Variants in RBFOX1 observed in about 807,000 individuals in gnomAD.
The protein encoded by RBFOX1 is RNA binding fox-1 homolog 1, also known as RNA binding protein fox-1 homolog 1.
Under a neutral mutation model 57.7 loss-of-function variants are expected in RBFOX1, and 8 were observed. That is an observed-to-expected ratio of 0.14 (90% CI 0.08 to 0.25). The LOEUF (loss-of-function observed/expected upper bound fraction) is 0.25. RBFOX1 is among the 10% of genes least tolerant of loss of function. RBFOX1 has a pLI of 1.00. For synonymous variants in RBFOX1, 326 were observed against 222.4 expected, an observed-to-expected ratio of 1.47 and a Z score of -4.15; for missense variants, 611 against 548.5, an observed-to-expected ratio of 1.11 and a Z score of -1.14.
intron 1 of RBFOX1, among the ~76,000 whole-genome samples, chr16:6,107,308 A>G (rs1486179341): frequency 1.3e-5 from 2 of 152,034 alleles, no homozygotes; most frequent in African/African-American, 4.8e-5. Context: ...TACCCATGAA[A>G]TGACCCTCCA....
At chr16:6,747,862 C>G (rs1328908015) in intron 3 of RBFOX1, among the ~76,000 whole-genome samples, 1 of 152,158 alleles carries the variant, frequency 6.6e-6, no homozygotes, top group Non-Finnish European at 1.5e-5. Context: ...ATAAAACTTT[C>G]ATAGGCAATC....
At chr16:5,460,099 C>T (rs987158444) in intron 1 of RBFOX1, among the ~76,000 whole-genome samples, 2 of 151,836 alleles carry the variant, frequency 1.3e-5, no homozygotes, top group Non-Finnish European at 2.9e-5. Flanking sequence ...AGTGTAAAGT[C>T]GGCATGTTTT....
In RBFOX1 at chr16:5,804,626, C is replaced by T. The variant is rs143443717; in HGVS notation, c.319-62677C>T. On this transcript the variant is annotated intron_variant, in intron 3 of 19. Transcript: ENST00000641259. ...CCTCTGTGTGCTGCATGACTGCTCTCCACCCTGCTGCATCCTCCCTTCCCC... is the reference window on the plus strand; with the variant it reads ...CCTCTGTGTGCTGCATGACTGCTCTTCACCCTGCTGCATCCTCCCTTCCCC... Among the ~76,000 whole-genome samples, 146 of 152,260 alleles carry T rather than the reference C, an allele frequency of 9.6e-4. 1 individual carries two copies. The highest frequency in any genetic ancestry group is 3.3e-3 in the African/African-American group (135 of 41,538).
chr16:6,404,103 G>T (rs1208146048), intron 2 of RBFOX1, among the ~76,000 whole-genome samples: 1 of 152,072 alleles, frequency 6.6e-6, no homozygotes, highest in Non-Finnish European at 1.5e-5. Flanking sequence ...GGCATCCATG[G>T]AGTCAACCAA....
At chr16:6,766,906 T>G (rs1031316923) in intron 3 of RBFOX1, among the ~76,000 whole-genome samples, 1 of 152,082 alleles carries the variant, frequency 6.6e-6, no homozygotes. Context: ...CTGAGGACAC[T>G]TGACCTGGCA....
intron 4 of RBFOX1, among the ~76,000 whole-genome samples, chr16:7,477,155 A>G (rs2062900576): frequency 6.6e-6 from 1 of 152,120 alleles, no homozygotes; most frequent in Non-Finnish European, 1.5e-5. Flanking sequence ...GAATCACAAA[A>G]CCAACTACAA....
chr16:7,417,411 T>A (rs1228850656), intron 4 of RBFOX1, among the ~76,000 whole-genome samples: 7 of 149,474 alleles, frequency 4.7e-5, no homozygotes, highest in Non-Finnish European at 7.4e-5. Flanking sequence ...CATATCCTGT[T>A]CCCCCAGTTT....
chr16:6,886,757 AAAAACAAAAAC>A (rs1460205634), intron 3 of RBFOX1, among the ~76,000 whole-genome samples: 212 of 29,240 alleles, frequency 7.3e-3, no homozygotes, highest in Non-Finnish European at 0.012. Context: ...TCTATCTGAA[AAAAACAAAAAC>A]AAAACAAAAC....
At chr16:7,166,625 C>G (rs2079558517) in intron 4 of RBFOX1, among the ~76,000 whole-genome samples, 1 of 152,064 alleles carries the variant, frequency 6.6e-6, no homozygotes. Context: ...ACTGGCCCTC[C>G]TTCGACACCC....
chr16:6,445,620 G>T (rs1430999684), intron 2 of RBFOX1, among the ~76,000 whole-genome samples: 1 of 121,652 alleles, frequency 8.2e-6, no homozygotes, highest in African/African-American at 3.2e-5. Context: ...GCCTTACTCT[G>T]TTGCCAGGAT....
chr16:5,564,628 T>A (rs775366615), intron 2 of RBFOX1, among the ~76,000 whole-genome samples: 5 of 152,198 alleles, frequency 3.3e-5, no homozygotes, highest in African/African-American at 9.6e-5. Context: ...TTTTGGAGTC[T>A]GTCCTGTATC....
chr16:6,889,137 A>G lies in RBFOX1; in HGVS notation c.-15-162920A>G, dbSNP rs138340540. On this transcript the variant is annotated intron_variant, in intron 3 of 15. Coordinates refer to ENST00000550418, the MANE Select transcript of RBFOX1 (RefSeq NM_018723.4). Reference sequence around the variant, plus strand: ...CAAAAAACCTGGCTTCAAATCTCCAATCTATTACTGTAACATTCAGTAGAT... The same window carrying G: ...CAAAAAACCTGGCTTCAAATCTCCAGTCTATTACTGTAACATTCAGTAGAT... Among the ~76,000 whole-genome samples the G allele has an allele frequency of 1.8e-4, 27 of 152,304 alleles. No homozygotes were observed. In the Middle Eastern group the frequency reaches 0.01, roughly 58 times the overall value.
chr16:7,211,297 C>T (rs1272932436), intron 4 of RBFOX1, among the ~76,000 whole-genome samples: 1 of 145,822 alleles, frequency 6.9e-6, no homozygotes, highest in Non-Finnish European at 1.5e-5. Flanking sequence ...GAGGCTGAGG[C>T]AGGAGAATGG....
chr16:5,647,531 A>G (rs1172725882), intron 3 of RBFOX1, among the ~76,000 whole-genome samples: 1 of 152,122 alleles, frequency 6.6e-6, no homozygotes, highest in African/African-American at 2.4e-5. Context: ...CACAGTAGGC[A>G]CTGAGCAAAT....
chr16:5,932,369 A>C (rs1194245137), intron 4 of RBFOX1, among the ~76,000 whole-genome samples: 1 of 152,174 alleles, frequency 6.6e-6, no homozygotes, highest in Non-Finnish European at 1.5e-5. Context: ...ACGTCAAGGA[A>C]CTGCATTTTT....
chr16:5,866,505 A>G (rs1227841787), intron 3 of RBFOX1, among the ~76,000 whole-genome samples: 1 of 152,208 alleles, frequency 6.6e-6, no homozygotes, highest in African/African-American at 2.4e-5. Flanking sequence ...AAAGCTTCTT[A>G]AGAGTTATCA....
intron 2 of RBFOX1, among the ~76,000 whole-genome samples, chr16:6,365,157 C>G (rs2089343243): frequency 6.6e-6 from 1 of 152,124 alleles, no homozygotes; most frequent in Non-Finnish European, 1.5e-5. Context: ...ATCAGAATAG[C>G]AGCTATAAAT....
At chr16:5,750,873 T>G (rs992035530) in intron 3 of RBFOX1, among the ~76,000 whole-genome samples, 2 of 152,238 alleles carry the variant, frequency 1.3e-5, no homozygotes, top group South Asian at 4.1e-4. Flanking sequence ...TCCACTGTCC[T>G]GTCCCCACTG....
chr16:6,781,323 T>G (rs1177245929), intron 3 of RBFOX1, among the ~76,000 whole-genome samples: 1 of 152,170 alleles, frequency 6.6e-6, no homozygotes, highest in Non-Finnish European at 1.5e-5. Context: ...TTGAATTTGA[T>G]TCGGTAGTAT....
Sources: gnomAD v4.1 joint callset for allele counts (sites outside exome capture counted in the v4.1 genomes callset) on GRCh38, gnomAD v4.1.1 for gene constraint, MANE v1.5 for transcripts, NCBI Gene and HGNC (gene_info 2026-07-23, HGNC 2026-07-21) for gene names.